The following MTFR1 variants were observed in gnomAD, a reference collection of about 807,000 sequenced individuals.
MTFR1 encodes the protein chondrocyte protein with a poly-proline region.
MTFR1 carries 28 observed loss-of-function variants against 38.8 expected under a neutral mutation model. That is an observed-to-expected ratio of 0.72 (90% CI 0.53 to 0.99). The LOEUF (loss-of-function observed/expected upper bound fraction) is 0.99. MTFR1 is among the 50% of genes least tolerant of loss of function. MTFR1 has a pLI of 0.00. For missense variants in MTFR1, 358 were observed against 395.5 expected (o/e 0.91, Z 0.81); for synonymous variants, 145 against 137.0 (o/e 1.06, Z -0.41).
chr8:65,674,318 TTA>T (rs1804651350), intron 2 of MTFR1, among the ~76,000 whole-genome samples: 1 of 151,676 alleles, frequency 6.6e-6, no homozygotes, highest in Non-Finnish European at 1.5e-5. Context: ...TTTTTTTTTT[TTA>T]AAGAAAAAAA....
At chr8:65,654,889 A>G (rs1279493332) in intron 1 of MTFR1, among the ~76,000 whole-genome samples, 1 of 152,054 alleles carries the variant, frequency 6.6e-6, no homozygotes, top group Non-Finnish European at 1.5e-5. Context: ...GCAATTTTTT[A>G]TACACATAAT....
In MTFR1 at chr8:65,719,232, C is replaced by A. The variant is rs909381161; in HGVS notation, c.382-148C>A. On this transcript the variant is annotated intron_variant, in intron 2 of 3. Transcript: ENST00000521247. ...AGAGTTAAGTTCTCTCACCTCAAGA[C>A]CCCATTTCACATTTCTAAAAACCTC... The A allele has an allele frequency of 5.1e-6, 6 of 1,167,650 alleles. No individual in the cohort carries two copies. The African/African-American group carries it at 9.1e-5, about 18-fold the overall frequency. 72.3% of individuals were successfully genotyped at this position (1,167,650 alleles called of 1,614,324 possible).
At chr8:65,724,721 G>A (rs1220738721) in intron 3 of MTFR1, 2 of 1,424,482 alleles carry the variant, frequency 1.4e-6, no homozygotes, top group Non-Finnish European at 1.9e-6. Context: ...TCATTTTTTA[G>A]TTTGACAGTC....
At chr8:65,674,281 C>G (rs957324272) in intron 2 of MTFR1, among the ~76,000 whole-genome samples, 5 of 151,336 alleles carry the variant, frequency 3.3e-5, no homozygotes, top group Non-Finnish European at 7.4e-5. Context: ...AGAGTGAAAA[C>G]TACCTTCATC....
intron 3 of MTFR1, among the ~76,000 whole-genome samples, chr8:65,693,441 A>G: frequency 6.6e-6 from 1 of 152,122 alleles, no homozygotes; most frequent in Admixed American, 6.5e-5. Context: ...AAACTGAATA[A>G]AGTTATAGTT....
rs376416808 is a variant in MTFR1, at chr8:65,663,180, A to G, written c.-80-6693A>G. 1.8e-4 allele frequency among the ~76,000 whole-genome samples: 28 copies of G among 151,626 alleles called. 1 individual carries two copies. In the South Asian group the frequency reaches 3.5e-3, roughly 19 times the overall value. Reference sequence around the variant, plus strand: ...CATGGGAGACTTTTCATTTTGTTCTATACTAAGAAAAATTCTTCTGCCTTG... The same window carrying G: ...CATGGGAGACTTTTCATTTTGTTCTGTACTAAGAAAAATTCTTCTGCCTTG... On this transcript the variant is annotated intron_variant, in intron 1 of 7. Coordinates refer to ENST00000262146, the MANE Select transcript of MTFR1 (RefSeq NM_014637.4).
At chr8:65,745,703 AG>A (rs1807642453) in intron 3 of MTFR1, among the ~76,000 whole-genome samples, 2 of 152,256 alleles carry the variant, frequency 1.3e-5, no homozygotes, top group Admixed American at 1.3e-4. Context: ...ATGAATGCAC[AG>A]GAAGGTTATG....
intron 1 of MTFR1, among the ~76,000 whole-genome samples, chr8:65,664,481 GT>G (rs1804314133): frequency 1.3e-5 from 2 of 151,838 alleles, no homozygotes; most frequent in Non-Finnish European, 2.9e-5. Flanking sequence ...TTCTTAAACT[GT>G]TTTCTGTCTA....
intron 3 of MTFR1, chr8:65,747,815 A>C (rs779843869): frequency 1.3e-6 from 2 of 1,589,032 alleles, no homozygotes; most frequent in Non-Finnish European, 1.7e-6. Flanking sequence ...TGAAATAAAA[A>C]GAATAAAAGG....
chr8:65,744,426 G>C (rs1447633352), intron 3 of MTFR1, among the ~76,000 whole-genome samples: 2 of 152,146 alleles, frequency 1.3e-5, no homozygotes, highest in African/African-American at 4.8e-5. Flanking sequence ...TCCTAAATAA[G>C]AGTGATTCCC....
At chr8:65,754,910 A>G (rs1027373388) in intron 3 of MTFR1, among the ~76,000 whole-genome samples, 2 of 149,820 alleles carry the variant, frequency 1.3e-5, no homozygotes, top group Non-Finnish European at 3.0e-5. Flanking sequence ...GGTTGCAGTG[A>G]GCCGAGATCG....
intron 3 of MTFR1, chr8:65,739,469 T>A (rs1807304581): frequency 1.3e-6 from 2 of 1,520,794 alleles, no homozygotes; most frequent in African/African-American, 1.4e-5. Flanking sequence ...TAAATGTAAA[T>A]CTTGTTACTG....
At chr8:65,760,102 T>C (rs567265823) in intron 3 of MTFR1, among the ~76,000 whole-genome samples, 1 of 152,118 alleles carries the variant, frequency 6.6e-6, no homozygotes, top group Non-Finnish European at 1.5e-5. Context: ...TATCTGGGTG[T>C]GGTGGTGGTC....
At chr8:65,744,105 T>C (rs1314731556) in intron 3 of MTFR1, among the ~76,000 whole-genome samples, 1 of 152,180 alleles carries the variant, frequency 6.6e-6, no homozygotes, top group Non-Finnish European at 1.5e-5. Context: ...AGTGCGGGGA[T>C]TACAGGCATG....
chr8:65,670,282 G>C (rs990805832), intron 2 of MTFR1, among the ~76,000 whole-genome samples: 6 of 152,124 alleles, frequency 3.9e-5, no homozygotes, highest in African/African-American at 1.4e-4. Flanking sequence ...GTGAGGAAAA[G>C]GCTTAAATAA....
In MTFR1 at chr8:65,648,559, G is replaced by A. The variant is rs145556908; in HGVS notation, c.-81+3775G>A. The stretch of plus-strand genomic sequence containing the variant: ...GAAGTTATTGTCAACCAGTCAATCT[G>A]CAAGTCATTTTTACCAAATAAATTG... On this transcript the variant is annotated intron_variant, in intron 1 of 7. Coordinates refer to ENST00000262146, the MANE Select transcript of MTFR1 (RefSeq NM_014637.4). 1.6e-4 allele frequency among the ~76,000 whole-genome samples: 24 copies of A among 152,238 alleles called. No homozygotes were observed. The East Asian group carries it at 4.4e-3, about 28-fold the overall frequency.
At chr8:65,730,137 A>T (rs1173909804) in intron 3 of MTFR1, among the ~76,000 whole-genome samples, 1 of 144,654 alleles carries the variant, frequency 6.9e-6, no homozygotes, top group Non-Finnish European at 1.5e-5. Context: ...CCCTATTGTA[A>T]ACTGTGCATG....
At chr8:65,758,938 T>C (rs1012193682) in intron 3 of MTFR1, among the ~76,000 whole-genome samples, 1 of 152,154 alleles carries the variant, frequency 6.6e-6, no homozygotes, top group Admixed American at 6.5e-5. Flanking sequence ...CCCATAACCA[T>C]AGGCAGCCTC....
intron 3 of MTFR1, among the ~76,000 whole-genome samples, chr8:65,765,992 C>G (rs1251947421): frequency 1.3e-5 from 2 of 152,202 alleles, no homozygotes; most frequent in Non-Finnish European, 1.5e-5. Context: ...GTCACCCAGG[C>G]TGGAGTGCAG....
Sources: allele counts gnomAD v4.1 joint callset (sites outside exome capture counted in the v4.1 genomes callset), GRCh38; gene constraint gnomAD v4.1.1; transcripts MANE v1.5; gene names NCBI Gene and HGNC (gene_info 2026-07-23, HGNC 2026-07-21).